The following USP45 variants were observed in gnomAD, a reference collection of about 807,000 sequenced individuals.
USP45 encodes ubiquitin specific peptidase 45, also known as ubiquitin carboxyl-terminal hydrolase 45.
A neutral mutation model predicts 95.8 loss-of-function variants in USP45; 89 were observed. That is an observed-to-expected ratio of 0.93 (90% CI 0.78 to 1.11). The LOEUF is 1.11. Ranked by LOEUF, USP45 falls within the 50% of genes least tolerant of loss-of-function variation. The pLI, the probability that USP45 is intolerant of heterozygous loss-of-function variation, is 0.00. For missense variants in USP45, 898 were observed against 942.5 expected, an observed-to-expected ratio of 0.95 and a Z score of 0.62; for synonymous variants, 281 against 316.2, an observed-to-expected ratio of 0.89 and a Z score of 1.18.
chr6:99,449,190 G>A (rs1783255354), intron 13 of USP45, among the ~76,000 whole-genome samples: 1 of 152,094 alleles, frequency 6.6e-6, no homozygotes, highest in Admixed American at 6.5e-5. Flanking sequence ...AAATGTACAT[G>A]GGCTAAATGC....
At chr6:99,439,971 G>T in intron 15 of USP45, 116 bp from the exon 16 acceptor site, 1 of 647,864 alleles carries the variant, frequency 1.5e-6, no homozygotes, top group South Asian at 2.7e-5. Flanking sequence ...TAAAAAATGT[G>T]ACTAATGTAT....
intron 13 of USP45, among the ~76,000 whole-genome samples, chr6:99,464,060 G>A (rs182616228): frequency 1.8e-4 from 27 of 151,628 alleles, no homozygotes; most frequent in African/African-American, 5.1e-4. Context: ...TAATCCCAGC[G>A]CTTTGGGAGG....
intron 1 of USP45, among the ~76,000 whole-genome samples, chr6:99,513,478 A>G (rs1800398352): frequency 6.6e-6 from 1 of 152,200 alleles, no homozygotes; most frequent in African/African-American, 2.4e-5. Context: ...TTTAAATTTG[A>G]TGTCCTGAAA....
intron 13 of USP45, among the ~76,000 whole-genome samples, chr6:99,450,332 T>A (rs1158002455): frequency 6.6e-6 from 1 of 151,820 alleles, no homozygotes; most frequent in Non-Finnish European, 1.5e-5. Flanking sequence ...ATAGGCACAA[T>A]AAAAAGTGAT....
Position 99,515,376 on chromosome 6 carries a change from C to G in USP45, c.-11+16G>C, listed in dbSNP as rs941540845. 10 of 152,412 alleles carry G rather than the reference C, an allele frequency of 6.6e-5. No homozygotes were observed. Among genetic ancestry groups the G allele is most frequent in the African/African-American group, 2.2e-4 (9 of 41,580 alleles). The allele number at this position is 152,412 out of a possible 1,614,324, so 9.4% of individuals were successfully genotyped here. ...CATACCGCCGCTGCGACCAAAGCGCCGCGTTCTCAACTCACCCCGCCGGGC... is the reference window on the plus strand; with the variant it reads ...CATACCGCCGCTGCGACCAAAGCGCGGCGTTCTCAACTCACCCCGCCGGGC... On this transcript the variant is annotated intron_variant, in intron 1 of 17. Transcript: ENST00000500704.
At chr6:99,474,005 C>T (rs1790176215) in intron 9 of USP45, among the ~76,000 whole-genome samples, 2 of 152,092 alleles carry the variant, frequency 1.3e-5, no homozygotes, top group African/African-American at 2.4e-5. Flanking sequence ...ATTCAATTAG[C>T]TTAATAAGAA....
chr6:99,512,718 A>G (rs143537608), intron 1 of USP45, among the ~76,000 whole-genome samples: 1 of 152,320 alleles, frequency 6.6e-6, no homozygotes, highest in African/African-American at 2.4e-5. Flanking sequence ...GGTCATCACT[A>G]CTGAACTAAG....
At chr6:99,501,879 G>A (rs1423444124) in intron 5 of USP45, 28 of 1,230,154 alleles carry the variant, frequency 2.3e-5, no homozygotes, top group Non-Finnish European at 2.8e-5. Context: ...GGAATTTCCA[G>A]AGCGACAAGA....
Position 99,488,705 on chromosome 6 carries a change from AGT to A in USP45, c.592_593del (p.Thr198LeufsTer4). The A allele has an allele frequency of 6.2e-7, 1 of 1,602,096 alleles. No homozygotes were observed. Among genetic ancestry groups the A allele is most frequent in the Non-Finnish European group, 8.5e-7 (1 of 1,175,372 alleles). The stretch of plus-strand genomic sequence containing the variant: ...CCTGCATGACTGCATTAAAAAAGCA[AGT>A]ATTTCCTAAATTTGTAATTCCTCTT... ...SVRGITNLGN[T>X]CFFNAVMQNL... On this transcript the variant is annotated frameshift_variant, in exon 6 of 18. Transcript: ENST00000500704. LOFTEE classifies it high-confidence loss of function.
At chr6:99,466,140 C>T (rs891370172) in intron 11 of USP45, among the ~76,000 whole-genome samples, 5 of 152,022 alleles carry the variant, frequency 3.3e-5, no homozygotes, top group Admixed American at 1.3e-4. Context: ...CTCAGCCTCC[C>T]GAGTCATTGG....
At position 99,483,222 on chromosome 6, in the gene USP45, A is replaced by G. The variant is rs114173059; in HGVS notation, c.715-339T>C. ...TTTGTACCACTCCACGAATAATCATACATTATTTGCTAGTAAATAATGTAT... is the reference window on the plus strand; with the variant it reads ...TTTGTACCACTCCACGAATAATCATGCATTATTTGCTAGTAAATAATGTAT... On this transcript the variant is annotated intron_variant, in intron 7 of 17. Transcript: ENST00000500704. Among the ~76,000 whole-genome samples the G allele has an allele frequency of 1.7e-3, 264 of 152,196 alleles. 1 individual carries two copies. Among genetic ancestry groups the G allele is most frequent in the African/African-American group, 6.1e-3 (254 of 41,568 alleles).
intron 1 of USP45, among the ~76,000 whole-genome samples, chr6:99,513,200 G>A (rs1306772457): frequency 6.6e-6 from 1 of 152,180 alleles, no homozygotes; most frequent in Admixed American, 6.5e-5. Context: ...AATCCTAGAT[G>A]AACCCAATTA....
Position 99,445,884 on chromosome 6 carries a change from T to G in USP45, c.1888A>C (p.Met630Leu). The change falls in exon 14 of 18, where the codon ATG becomes CTG. Residue 630 changes from methionine to leucine, a missense_variant. Met to Leu is a conservative substitution (Grantham distance 15). Transcript: ENST00000500704. The part of the protein sequence containing the change: ...IQSCLYQFTS[M>L]ELLMGNNKLL... ...TTATTATTCCCCATTAGTAATTCCA[T>G]AGATGTAAACTGGTAGAGACAGGAC... 6.2e-7 allele frequency: 1 copy of G among 1,613,182 alleles called. No homozygotes were observed.
Position 99,439,754 on chromosome 6 carries a change from C to G in USP45, c.2160+15G>C. 6.6e-7 allele frequency: 1 copy of G among 1,515,144 alleles called. No homozygotes were observed. The highest frequency in any genetic ancestry group is 8.9e-7 in the Non-Finnish European group (1 of 1,123,100). 93.9% of individuals were successfully genotyped at this position (1,515,144 alleles called of 1,614,324 possible). A position where few individuals can be genotyped will look rare whatever the true frequency, so the allele number is the denominator to read the frequency against. On this transcript the variant is annotated intron_variant, in intron 16 of 17. Coordinates refer to ENST00000500704, the MANE Select transcript of USP45 (RefSeq NM_001346022.3). The stretch of plus-strand genomic sequence containing the variant: ...ATTAATTTATAAATCAATTAAATAT[C>G]TTAATATACTGTACCTTACAAGTAG...
At position 99,435,673 on chromosome 6, in the gene USP45, G is replaced by A; in HGVS notation, c.*43C>T. 6.5e-7 allele frequency: 1 copy of A among 1,543,054 alleles called. No homozygotes were observed. ...ATTATATATTATAGTTATCACTGTG[G>A]CATTCAAAAACAAATGACCTAAATA... On this transcript the variant is annotated 3_prime_UTR_variant, in exon 18 of 18. Coordinates refer to ENST00000500704, the MANE Select transcript of USP45 (RefSeq NM_001346022.3).
intron 8 of USP45, among the ~76,000 whole-genome samples, chr6:99,477,604 C>T (rs1365839275): frequency 2.6e-5 from 4 of 152,192 alleles, no homozygotes; most frequent in Non-Finnish European, 4.4e-5. Flanking sequence ...TGAGCCATCA[C>T]GCCCGGCCAA....
intron 7 of USP45, among the ~76,000 whole-genome samples, chr6:99,487,064 C>T (rs6940360): frequency 0.85 from 129,795 of 152,126 alleles, 56,092 homozygotes; most frequent in East Asian, 1. Context: ...GGTTGAATAA[C>T]CTGAAGGTGG....
At chr6:99,509,641 A>C (rs905393045) in intron 2 of USP45, among the ~76,000 whole-genome samples, 1 of 151,236 alleles carries the variant, frequency 6.6e-6, no homozygotes, top group Non-Finnish European at 1.5e-5. Flanking sequence ...GCCATGAGAA[A>C]GAGACCAAAA....
intron 3 of USP45, among the ~76,000 whole-genome samples, chr6:99,507,766 T>TATCA (rs2128805624): frequency 1.3e-5 from 2 of 152,346 alleles, no homozygotes; most frequent in East Asian, 3.9e-4. Flanking sequence ...TTAATTTCCC[T>TATCA]ATCATTTAAA....
Sources: gnomAD v4.1 joint callset for allele counts (sites outside exome capture counted in the v4.1 genomes callset) on GRCh38, gnomAD v4.1.1 for gene constraint, MANE v1.5 for transcripts, NCBI Gene and HGNC (gene_info 2026-07-23, HGNC 2026-07-21) for gene names.